Variants in PRG3 observed in about 807,000 individuals in gnomAD.
The protein encoded by PRG3 is proteoglycan 3, pro eosinophil major basic protein 2, also known as proteoglycan 3.
Under a neutral mutation model 26.1 loss-of-function variants are expected in PRG3, and 25 were observed. That is an observed-to-expected ratio of 0.96 (90% confidence interval 0.70 to 1.34). The LOEUF is 1.34. Ranked by LOEUF, PRG3 falls within the 40% of genes most tolerant of loss-of-function variation. The pLI is 0.00. For missense variants in PRG3, 280 were observed against 264.8 expected, an observed-to-expected ratio of 1.06 and a Z score of -0.40; for synonymous variants, 111 against 100.4, an observed-to-expected ratio of 1.11 and a Z score of -0.63.
chr11:57,377,709 T>A lies in PRG3; in HGVS notation c.619+16A>T. On this transcript the variant is annotated intron_variant, in intron 5 of 5. Transcript: ENST00000287143. Reference sequence around the variant, plus strand: ...TTACTATCCCTTCTCCCTGCCCTGGTGCCCTTCCCCCTCACCTTTGGTGCA... The same window carrying A: ...TTACTATCCCTTCTCCCTGCCCTGGAGCCCTTCCCCCTCACCTTTGGTGCA... 6.3e-7 allele frequency: 1 copy of A among 1,594,750 alleles called. No individual in the cohort carries two copies. Among genetic ancestry groups the A allele is most frequent in the Non-Finnish European group, 8.6e-7 (1 of 1,164,116 alleles).
Position 57,377,725 on chromosome 11 carries a change from C to A in PRG3, c.619G>T (p.Gly207Ter). ...QGSCVALCTK[G>*]GYWRRAQCDK... is the part of the protein sequence containing the mutation. ...CTGCCCTGGTGCCCTTCCCCCTCACCTTTGGTGCATAGGGCCACACAGGAG... is the reference window on the plus strand; with the variant it reads ...CTGCCCTGGTGCCCTTCCCCCTCACATTTGGTGCATAGGGCCACACAGGAG... Residue 207 changes from glycine to a stop codon, truncating the protein, a stop_gained and splice_region_variant, in exon 5 of 6, where the codon GGA (glycine) becomes TGA (stop). Transcript: ENST00000287143. LOFTEE classifies it low-confidence loss of function (END_TRUNC). 6.2e-7 allele frequency: 1 copy of A among 1,611,112 alleles called. No individual in the cohort carries two copies. Among genetic ancestry groups the A allele is most frequent in the Non-Finnish European group, 8.5e-7 (1 of 1,178,318 alleles).
chr11:57,377,107 T>C (rs1856952572), intron 5 of PRG3, among the ~76,000 whole-genome samples, 199 bp from the exon 6 acceptor site: 1 of 152,180 alleles, frequency 6.6e-6, no homozygotes, highest in Admixed American at 6.5e-5. Context: ...CTGCATTAGA[T>C]GGACTTAGGT....
Position 57,376,787 on chromosome 11 carries a change from T to C in PRG3, c.*63A>G. Reference sequence around the variant, plus strand: ...CAGGAAATGCTGTGGGAAGTCTGGATTTATGAGCAGGAGAGGTTGGGGGAC... The same window carrying C: ...CAGGAAATGCTGTGGGAAGTCTGGACTTATGAGCAGGAGAGGTTGGGGGAC... On this transcript the variant is annotated 3_prime_UTR_variant, in exon 6 of 6. Transcript: ENST00000287143. 1.3e-6 allele frequency: 2 copies of C among 1,540,790 alleles called. No homozygotes were observed. Among genetic ancestry groups the C allele is most frequent in the Non-Finnish European group, 1.8e-6 (2 of 1,116,702 alleles).
chr11:57,380,513 C>T lies in PRG3; in HGVS notation c.61+135G>A, dbSNP rs576324034. 7.4e-6 allele frequency: 5 copies of T among 675,390 alleles called. No homozygotes were observed. The South Asian group carries it at 8.2e-5, about 11-fold the overall frequency. The allele number at this position is 675,390 out of a possible 1,614,324, so 41.8% of individuals were successfully genotyped here. ...GTTCTGAGTCCAAGTGATATCTTACCGGAGATGAGCTGTATCAGCTAAAGA... is the reference window on the plus strand; with the variant it reads ...GTTCTGAGTCCAAGTGATATCTTACTGGAGATGAGCTGTATCAGCTAAAGA... On this transcript the variant is annotated intron_variant, in intron 2 of 5. Coordinates refer to ENST00000287143, the MANE Select transcript of PRG3 (RefSeq NM_006093.4).
rs911699911 is a variant in PRG3, at chr11:57,379,416, C to A, written c.375+78G>T. The A allele has an allele frequency of 3.5e-5, 49 of 1,389,198 alleles. 1 individual carries two copies. The highest frequency in any genetic ancestry group is 1.9e-4 in the Middle Eastern group (1 of 5,390). The allele number at this position is 1,389,198 out of a possible 1,614,324, so 86.1% of individuals were successfully genotyped here. ...ATGCGAGGCTTTGAGAACCACTAGC[C>A]TAAATGAATAGGGAACAGAAGACTG... On this transcript the variant is annotated intron_variant, in intron 3 of 5. Coordinates refer to ENST00000287143, the MANE Select transcript of PRG3 (RefSeq NM_006093.4).
At chr11:57,379,915 C>A (rs939680221) in intron 2 of PRG3, 108 bp from the exon 3 acceptor site, 7 of 1,038,626 alleles carry the variant, frequency 6.7e-6, no homozygotes, top group South Asian at 1.7e-5. Context: ...CACCTGAAGA[C>A]AAGACTGGAG....
At chr11:57,377,861 G>C (rs1366271626) in intron 4 of PRG3, 25 bp from the exon 5 acceptor site, 1 of 1,585,014 alleles carries the variant, frequency 6.3e-7, no homozygotes, top group Admixed American at 1.7e-5. Flanking sequence ...GGCTAGGTCA[G>C]AGGGCAGAAG....
In PRG3 at chr11:57,376,883, G is replaced by C; in HGVS notation, c.645C>G (p.Cys215Trp). The C allele has an allele frequency of 6.2e-7, 1 of 1,612,398 alleles. No individual in the cohort carries two copies. Among genetic ancestry groups the C allele is most frequent in the South Asian group, 1.1e-5 (1 of 91,060 alleles). ...TKGGYWRRAQ[C>W]DKQLPFVCSF is the part of the protein sequence containing the mutation. ...AGCAGACGAAGGGCAGTTGCTTGTC[G>C]CATTGAGCTCGTCGCCAATAACCTC... The change falls in exon 6 of 6, where the codon TGC (cysteine) becomes TGG (tryptophan). Residue 215 changes from cysteine (C) to tryptophan (W), a missense_variant. Transcript: ENST00000287143.
At chr11:57,380,313 T>C (rs1448979053) in intron 2 of PRG3, among the ~76,000 whole-genome samples, 2 of 151,996 alleles carry the variant, frequency 1.3e-5, no homozygotes, top group Non-Finnish European at 2.9e-5. Context: ...GGCAGAAGAA[T>C]TGCTTGAACC....
chr11:57,380,386 C>T (rs1357956346), intron 2 of PRG3, among the ~76,000 whole-genome samples: 2 of 148,638 alleles, frequency 1.3e-5, no homozygotes, highest in East Asian at 2.0e-4. Context: ...GGCAACAGAG[C>T]GAGACTCCGT....
At chr11:57,377,021 C>T in intron 5 of PRG3, 113 bp from the exon 6 acceptor site, 1 of 1,073,686 alleles carries the variant, frequency 9.3e-7, no homozygotes, top group South Asian at 1.3e-5. Flanking sequence ...TCGTCATCTG[C>T]CAGCTGTGTG....
At position 57,379,583 on chromosome 11, in the gene PRG3, C is replaced by T. The variant is rs751547626; in HGVS notation, c.286G>A (p.Glu96Lys). 6.2e-7 allele frequency: 1 copy of T among 1,613,900 alleles called. No homozygotes were observed. Among genetic ancestry groups the T allele is most frequent in the East Asian group, 2.2e-5 (1 of 44,886 alleles). Residue 96 changes from glutamate to lysine, a missense_variant, in exon 3 of 6, where the codon GAA becomes AAA. Physicochemically the swap from Glu to Lys is moderately conservative, Grantham distance 56. Coordinates refer to ENST00000287143, the MANE Select transcript of PRG3 (RefSeq NM_006093.4). ...CTTCCCTGCACTTCAACAATGTCTT[C>T]TTCCCTGGGGCACTGGAAGTCCTTG... is the stretch of plus-strand genomic sequence containing the variant. ...LDKDFQCPRE[E>K]DIVEVQGSPR... is the part of the protein sequence containing the mutation.
At position 57,379,645 on chromosome 11, in the gene PRG3, T is replaced by A. The variant is rs773960761; in HGVS notation, c.224A>T (p.Asp75Val). The stretch of plus-strand genomic sequence containing the variant: ...TGGGTCCGACTCCATGGCTTCCTCA[T>A]CCTCAAAGTTGTCTTGACAGGCAGA... ...KASACQDNFE[D>V]EEAMESDPAA... Residue 75 changes from aspartate (D) to valine (V), a missense_variant, in exon 3 of 6, where the codon GAT becomes GTT. By Grantham distance (152) the Asp-to-Val change is radical. Transcript: ENST00000287143. 3.1e-6 allele frequency: 5 copies of A among 1,613,962 alleles called. No individual in the cohort carries two copies. In the Admixed American group the frequency reaches 8.3e-5, roughly 27 times the overall value.
At chr11:57,377,950 G>T in intron 4 of PRG3, 114 bp from the exon 5 acceptor site, 1 of 768,002 alleles carries the variant, frequency 1.3e-6, no homozygotes, top group Non-Finnish European at 2.1e-6. Flanking sequence ...ACACCCTAGA[G>T]AGCCATTCCT....
chr11:57,380,622 C>T (rs767790308), intron 2 of PRG3, 26 bp downstream of exon 2: 2 of 1,542,008 alleles, frequency 1.3e-6, no homozygotes, highest in African/African-American at 2.8e-5. Flanking sequence ...GGGAAAGACG[C>T]ATGAGGAGGG....
At chr11:57,378,049 A>G (rs1004785182) in intron 4 of PRG3, among the ~76,000 whole-genome samples, 1 of 152,186 alleles carries the variant, frequency 6.6e-6, no homozygotes, top group Non-Finnish European at 1.5e-5. Context: ...TGCGTACGTT[A>G]TCTCCTGGGG....
At chr11:57,379,471 G>T (rs750153822) in intron 3 of PRG3, 23 bp downstream of exon 3, 3 of 1,576,738 alleles carry the variant, frequency 1.9e-6, no homozygotes, top group South Asian at 2.3e-5. Flanking sequence ...CAGGTCCTCC[G>T]CAGTAGCCTC....
chr11:57,377,697 T>G, intron 5 of PRG3, 28 bp downstream of exon 5: 1 of 1,568,960 alleles, frequency 6.4e-7, no homozygotes, highest in Non-Finnish European at 8.8e-7. Flanking sequence ...CTATCCCTTC[T>G]CCCTGCCCTG....
intron 2 of PRG3, among the ~76,000 whole-genome samples, chr11:57,380,083 T>C (rs145525983): frequency 1.1e-3 from 171 of 152,102 alleles, no homozygotes; most frequent in African/African-American, 3.9e-3. Flanking sequence ...TCTTAACAGG[T>C]GGGTGGTTTT....
Sources: gnomAD v4.1 joint callset for allele counts (sites outside exome capture counted in the v4.1 genomes callset) on GRCh38, gnomAD v4.1.1 for gene constraint, MANE v1.5 for transcripts, NCBI Gene and HGNC (gene_info 2026-07-23, HGNC 2026-07-21) for gene names.